Variants in BTBD9 observed in about 807,000 individuals in gnomAD.
BTBD9 encodes BTB/POZ domain-containing protein 9.
A neutral mutation model predicts 64.3 loss-of-function variants in BTBD9; 49 were observed. The observed-to-expected ratio is 0.76, with a 90% CI of 0.61 to 0.97. The LOEUF is 0.97. Ranked by LOEUF, BTBD9 falls within the 50% of genes least tolerant of loss-of-function variation. BTBD9 has a pLI of 0.00. For missense variants in BTBD9, 598 were observed against 762.1 expected (o/e 0.78, Z 2.53); for synonymous variants, 260 against 274.7 (o/e 0.95, Z 0.53).
chr6:38,376,154 AC>A (rs1053784060), intron 6 of BTBD9, among the ~76,000 whole-genome samples: 125 of 152,278 alleles, frequency 8.2e-4, no homozygotes, highest in African/African-American at 2.7e-3. Context: ...TTTTTCCCCC[AC>A]AAAAGACAGA....
At chr6:38,552,660 G>A (rs2748154) in intron 6 of BTBD9, among the ~76,000 whole-genome samples, 10,698 of 151,630 alleles carry the variant, frequency 0.071, 836 homozygotes, top group African/African-American at 0.19. Flanking sequence ...CTAGCTACTC[G>A]GGAGGCTGAG....
intron 6 of BTBD9, among the ~76,000 whole-genome samples, chr6:38,452,920 AC>A (rs1034037779): frequency 2.6e-5 from 4 of 152,162 alleles, no homozygotes; most frequent in African/African-American, 9.6e-5. Context: ...ACATAAAAAC[AC>A]AGATCTCTGA....
At chr6:38,614,997 A>C (rs1184063560) in intron 1 of BTBD9, among the ~76,000 whole-genome samples, 1 of 152,228 alleles carries the variant, frequency 6.6e-6, no homozygotes, top group Non-Finnish European at 1.5e-5. Flanking sequence ...ACAGAAAAAA[A>C]CGTTTAACTG....
At chr6:38,590,844 T>C (rs570370409) in intron 4 of BTBD9, among the ~76,000 whole-genome samples, 1 of 152,342 alleles carries the variant, frequency 6.6e-6, no homozygotes, top group Admixed American at 6.5e-5. Context: ...CTTCTTAGAT[T>C]TGATAACAAA....
intron 6 of BTBD9, among the ~76,000 whole-genome samples, chr6:38,407,525 A>T (rs1767222804): frequency 6.6e-6 from 1 of 152,144 alleles, no homozygotes. Context: ...AACCTGCAGC[A>T]GCCCCTTGCA....
At chr6:38,401,256 C>T (rs9349079) in intron 6 of BTBD9, among the ~76,000 whole-genome samples, 62,260 of 151,976 alleles carry the variant, frequency 0.41, 15,971 homozygotes, top group East Asian at 0.95. Context: ...CCTTGCTCTT[C>T]CTCTTCTTCT....
At chr6:38,249,625 G>C (rs1764322886) in intron 9 of BTBD9, among the ~76,000 whole-genome samples, 1 of 151,978 alleles carries the variant, frequency 6.6e-6, no homozygotes, top group Non-Finnish European at 1.5e-5. Flanking sequence ...ACACAGAATG[G>C]GAAACACAGC....
chr6:38,423,043 T>A (rs1208797674), intron 6 of BTBD9, among the ~76,000 whole-genome samples: 1 of 152,142 alleles, frequency 6.6e-6, no homozygotes, highest in African/African-American at 2.4e-5. Flanking sequence ...GGTGGGCAGA[T>A]CACATGTGGC....
Position 38,168,594 on chromosome 6 carries a change from A to G in BTBD9, c.*6391T>C, listed in dbSNP as rs1036482713. Reference sequence around the variant, plus strand: ...GGAAGAAGCCGCATCGTGCTCACAAATAATACACATTCCACATAGCAGCAC... The same window carrying G: ...GGAAGAAGCCGCATCGTGCTCACAAGTAATACACATTCCACATAGCAGCAC... On this transcript the variant is annotated 3_prime_UTR_variant, in exon 11 of 11. Transcript: ENST00000481247. The G allele has an allele frequency of 9.8e-5, 15 of 152,370 alleles. No individual in the cohort carries two copies. Among genetic ancestry groups the G allele is most frequent in the African/African-American group, 3.6e-4 (15 of 41,574 alleles). The allele number at this position is 152,370 out of a possible 1,614,324, so 9.4% of individuals were successfully genotyped here. A position where few individuals can be genotyped will look rare whatever the true frequency, so the allele number is the denominator to read the frequency against.
chr6:38,260,252 G>C (rs904216347), intron 8 of BTBD9, among the ~76,000 whole-genome samples: 1 of 152,122 alleles, frequency 6.6e-6, no homozygotes, highest in Non-Finnish European at 1.5e-5. Context: ...AGTAAAACTA[G>C]GGGAAAACTT....
intron 6 of BTBD9, among the ~76,000 whole-genome samples, chr6:38,553,020 T>A (rs1774882108): frequency 6.6e-6 from 1 of 152,182 alleles, no homozygotes; most frequent in South Asian, 2.1e-4. Context: ...TCAATCCACA[T>A]CAGTCAAATC....
At chr6:38,224,759 T>TGAA (rs1192645883) in intron 9 of BTBD9, among the ~76,000 whole-genome samples, 1 of 152,274 alleles carries the variant, frequency 6.6e-6, no homozygotes, top group African/African-American at 2.4e-5. Flanking sequence ...ATAATTTACA[T>TGAA]ATTTAATCAG....
rs549053230 is a variant in BTBD9 at position 38,352,738 on chromosome 6, C to T, written c.1155-7645G>A. Among the ~76,000 whole-genome samples the T allele has an allele frequency of 2.4e-3, 358 of 152,276 alleles. 2 individuals carry two copies. The highest frequency in any genetic ancestry group is 3.7e-3 in the Non-Finnish European group (251 of 68,020). ...TAGCAACATGAATATTAAAAGTCCT[C>T]CCAGGAACTACTCTTGCTTCAAAGA... On this transcript the variant is annotated intron_variant, in intron 6 of 10. Transcript: ENST00000481247.
chr6:38,429,914 G>C (rs1768363333), intron 6 of BTBD9, among the ~76,000 whole-genome samples: 1 of 151,920 alleles, frequency 6.6e-6, no homozygotes, highest in South Asian at 2.1e-4. Flanking sequence ...AGTTCTCTGA[G>C]CTTCCTGGGA....
chr6:38,229,235 T>G (rs1276175844), intron 9 of BTBD9, among the ~76,000 whole-genome samples: 1 of 151,912 alleles, frequency 6.6e-6, no homozygotes, highest in Non-Finnish European at 1.5e-5. Context: ...GAAAACATAT[T>G]AATTAGGTAC....
chr6:38,258,051 TCTCGG>T (rs1764659841), intron 8 of BTBD9, among the ~76,000 whole-genome samples: 1 of 152,038 alleles, frequency 6.6e-6, no homozygotes, highest in Non-Finnish European at 1.5e-5. Flanking sequence ...AATGGCGCGA[TCTCGG>T]CTCATTGCAA....
chr6:38,353,950 C>T (rs545630103), intron 6 of BTBD9, among the ~76,000 whole-genome samples: 8 of 152,192 alleles, frequency 5.3e-5, no homozygotes, highest in East Asian at 1.9e-4. Flanking sequence ...GGGCATATGC[C>T]GTTAATTGTA....
At chr6:38,574,652 T>G (rs1367149326) in intron 6 of BTBD9, among the ~76,000 whole-genome samples, 1 of 152,212 alleles carries the variant, frequency 6.6e-6, no homozygotes, top group Non-Finnish European at 1.5e-5. Flanking sequence ...AAATGTGCTG[T>G]ATCATCTAAC....
intron 7 of BTBD9, among the ~76,000 whole-genome samples, chr6:38,320,579 T>C (rs895616646): frequency 6.6e-6 from 1 of 152,190 alleles, no homozygotes; most frequent in Non-Finnish European, 1.5e-5. Context: ...ACCTCACTTC[T>C]GTAAACAGCT....
Sources: allele counts gnomAD v4.1 joint callset (sites outside exome capture counted in the v4.1 genomes callset), GRCh38; gene constraint gnomAD v4.1.1; transcripts MANE v1.5; gene names NCBI Gene and HGNC (gene_info 2026-07-23, HGNC 2026-07-21).